CHD2: variants seen among roughly 807,000 people sequenced by gnomAD.
CHD2 encodes the protein ATP-dependent chromatin remodeler CHD2.
CHD2 carries 28 observed loss-of-function variants against 243.9 expected under a neutral mutation model. That is an observed-to-expected ratio of 0.11 (90% confidence interval 0.09 to 0.16). The LOEUF (loss-of-function observed/expected upper bound fraction) is 0.16, where lower values mean the gene tolerates loss of function less well. Ranked by LOEUF, CHD2 falls within the 10% of genes least tolerant of loss-of-function variation. The pLI, the probability that CHD2 is intolerant of heterozygous loss-of-function variation, is 1.00. For missense variants in CHD2, 1,386 were observed against 2,209.8 expected (o/e 0.63, Z 7.47); for synonymous variants, 775 against 779.0 (o/e 0.99, Z 0.09).
chr15:93,014,212 AT>A (rs376688609), intron 36 of CHD2, among the ~76,000 whole-genome samples: 1 of 151,912 alleles, frequency 6.6e-6, no homozygotes, highest in African/African-American at 2.4e-5. Context: ...TTATTGTGTG[AT>A]TTTTTTTATA....
At chr15:93,004,466 CATG>C in intron 33 of CHD2, 148 bp from the exon 34 acceptor site, 1 of 641,670 alleles carries the variant, frequency 1.6e-6, no homozygotes, top group East Asian at 3.1e-5. Context: ...GGTTTGTCTT[CATG>C]ATGTTTCAGG....
At chr15:93,022,375 G>A (rs895099902) in intron 38 of CHD2, among the ~76,000 whole-genome samples, 4 of 152,168 alleles carry the variant, frequency 2.6e-5, no homozygotes, top group Admixed American at 1.3e-4. Flanking sequence ...CACAAGGACA[G>A]CACCAAGCCA....
At chr15:92,971,955 C>A in intron 18 of CHD2, 28 bp downstream of exon 18, 2 of 1,578,814 alleles carry the variant, frequency 1.3e-6, no homozygotes, top group Admixed American at 3.8e-5. Flanking sequence ...ATTACTTTCT[C>A]AAAAAAAACG....
chr15:92,978,427 C>T (rs1212722322), intron 21 of CHD2, 44 bp downstream of exon 21: 1 of 1,585,722 alleles, frequency 6.3e-7, no homozygotes, highest in East Asian at 2.3e-5. Flanking sequence ...GGGTTGGGGG[C>T]CAGGGGGCTT....
intron 2 of CHD2, among the ~76,000 whole-genome samples, chr15:92,918,811 A>G (rs933757705): frequency 1.3e-5 from 2 of 148,756 alleles, no homozygotes; most frequent in Non-Finnish European, 2.9e-5. Flanking sequence ...ATACACACAT[A>G]TATACACATA....
intron 28 of CHD2, chr15:92,993,199 G>A (rs1356160939): frequency 3.9e-6 from 2 of 510,780 alleles, no homozygotes; most frequent in Non-Finnish European, 6.9e-6. Context: ...TTTGCAGAAG[G>A]TGTAGAGTGA....
chr15:92,979,710 G>T (rs987465550), intron 22 of CHD2, among the ~76,000 whole-genome samples: 1 of 151,780 alleles, frequency 6.6e-6, no homozygotes, highest in African/African-American at 2.4e-5. Context: ...TAAAAAGAAA[G>T]TAATGAAGTT....
chr15:93,015,979 A>G (rs1370824190), intron 37 of CHD2, among the ~76,000 whole-genome samples: 1 of 152,234 alleles, frequency 6.6e-6, no homozygotes, highest in Non-Finnish European at 1.5e-5. Flanking sequence ...CAGAACTACC[A>G]TATGATGCAG....
In CHD2 at chr15:92,900,455, C is replaced by T. The variant is rs187945117; in HGVS notation, c.-441C>T. On this transcript the variant is annotated 5_prime_UTR_variant, in exon 1 of 39. Coordinates refer to ENST00000394196, the MANE Select transcript of CHD2 (RefSeq NM_001271.4). Reference sequence around the variant, plus strand: ...TCAGGGGGCCCCCGTAGCCCCCTGCCTTTCCTAGGGACTTACTGGGGTCGA... The same window carrying T: ...TCAGGGGGCCCCCGTAGCCCCCTGCTTTTCCTAGGGACTTACTGGGGTCGA... 11 of 397,578 alleles carry T rather than the reference C, an allele frequency of 2.8e-5. No individual in the cohort carries two copies. Among genetic ancestry groups the T allele is most frequent in the Middle Eastern group, 6.3e-4 (1 of 1,584 alleles). The allele number at this position is 397,578 out of a possible 1,614,324, so 24.6% of individuals were successfully genotyped here. A position where few individuals can be genotyped will look rare whatever the true frequency, so the allele number is the denominator to read the frequency against.
At chr15:93,003,748 CT>C (rs1196776851) in intron 33 of CHD2, among the ~76,000 whole-genome samples, 2 of 151,994 alleles carry the variant, frequency 1.3e-5, no homozygotes, top group Admixed American at 6.6e-5. Context: ...CGAAACCTTC[CT>C]GTTCATGTTT....
intron 38 of CHD2, among the ~76,000 whole-genome samples, chr15:93,023,779 T>C (rs896701111): frequency 1.3e-5 from 2 of 152,088 alleles, no homozygotes; most frequent in Non-Finnish European, 2.9e-5. Flanking sequence ...TGGAGCATCT[T>C]CTCATGGTTT....
chr15:93,024,840 G>A lies in CHD2; in HGVS notation c.*135G>A. 1.3e-6 allele frequency: 1 copy of A among 765,466 alleles called. No homozygotes were observed. The highest frequency in any genetic ancestry group is 1.9e-5 in the South Asian group (1 of 52,732). The allele number at this position is 765,466 out of a possible 1,614,324, so 47.4% of individuals were successfully genotyped here. On this transcript the variant is annotated 3_prime_UTR_variant, in exon 39 of 39. Coordinates refer to ENST00000394196, the MANE Select transcript of CHD2 (RefSeq NM_001271.4). ...GCTGCTGTCAACTCACTGGCTGAAG[G>A]AGCACTTCAAGGAATGGGAGGCCTT...
intron 26 of CHD2, among the ~76,000 whole-genome samples, chr15:92,987,511 G>T (rs1353136689): frequency 6.6e-6 from 1 of 151,802 alleles, no homozygotes; most frequent in South Asian, 2.1e-4. Context: ...TGAGGCTGAG[G>T]CACGAGAATT....
At chr15:92,959,552 C>T (rs188652319) in intron 16 of CHD2, among the ~76,000 whole-genome samples, 25 of 152,192 alleles carry the variant, frequency 1.6e-4, no homozygotes, top group African/African-American at 3.4e-4. Flanking sequence ...AGGGAAGTGG[C>T]GCAATCTCAG....
intron 2 of CHD2, chr15:92,905,004 CTCAGG>C (rs1385207363): frequency 5.9e-6 from 9 of 1,535,714 alleles, no homozygotes; most frequent in Non-Finnish European, 6.1e-6. Flanking sequence ...TGGAGAAAAA[CTCAGG>C]TCAGTATGTG....
chr15:92,974,803 G>T (rs767580130), intron 19 of CHD2, 76 bp from the exon 20 acceptor site: 1 of 1,354,786 alleles, frequency 7.4e-7, no homozygotes, highest in South Asian at 1.2e-5. Context: ...GGTGATAAAG[G>T]TTCCAAGTCT....
chr15:92,935,038 CT>C (rs35542698), intron 5 of CHD2, among the ~76,000 whole-genome samples: 154 of 138,652 alleles, frequency 1.1e-3, no homozygotes, highest in Middle Eastern at 3.8e-3. Flanking sequence ...TTCTTTCTTT[CT>C]TTTTTTTTTT....
At position 93,000,512 on chromosome 15, in the gene CHD2, G is replaced by T. The variant is rs776072657; in HGVS notation, c.4009G>T (p.Ala1337Ser). ...ATCATCATTTTCTCTCCTTTTCCAG[G>T]CCAAATTAAAGAAGCGGAAGCCTCG... ...KKGAVTGGEE[A>S]KLKKRKPRVK... Residue 1337 changes from alanine to serine, a missense_variant and splice_region_variant, in exon 32 of 39, where the codon GCC becomes TCC. Transcript: ENST00000394196. The T allele has an allele frequency of 1.8e-5, 29 of 1,604,614 alleles. No individual in the cohort carries two copies. In the Middle Eastern group the frequency reaches 5.0e-4, roughly 28 times the overall value.
intron 17 of CHD2, among the ~76,000 whole-genome samples, chr15:92,968,031 G>C (rs754653853): frequency 6.6e-6 from 1 of 151,888 alleles, no homozygotes; most frequent in Non-Finnish European, 1.5e-5. Flanking sequence ...TGGGATCAAC[G>C]TAAGCTCCAT....
Sources: gnomAD v4.1 joint callset for allele counts (sites outside exome capture counted in the v4.1 genomes callset) on GRCh38, gnomAD v4.1.1 for gene constraint, MANE v1.5 for transcripts, NCBI Gene and HGNC (gene_info 2026-07-23, HGNC 2026-07-21) for gene names.